Variants in ADAMTS20 observed in about 807,000 individuals in gnomAD.
ADAMTS20 encodes ADAM metallopeptidase with thrombospondin type 1 motif 20.
Under a neutral mutation model 260.1 loss-of-function variants are expected in ADAMTS20, and 225 were observed. That is an observed-to-expected ratio of 0.87 (90% CI 0.78 to 0.97). The LOEUF is 0.97. Ranked by LOEUF, ADAMTS20 falls within the 50% of genes least tolerant of loss-of-function variation. ADAMTS20 has a pLI of 0.00. For synonymous variants in ADAMTS20, 802 were observed against 769.5 expected, an observed-to-expected ratio of 1.04 and a Z score of -0.70; for missense variants, 2,400 against 2,337.7, an observed-to-expected ratio of 1.03 and a Z score of -0.55.
chr12:43,439,514 G>T, intron 18 of ADAMTS20, 108 bp downstream of exon 18: 2 of 1,294,890 alleles, frequency 1.5e-6, no homozygotes, highest in Non-Finnish European at 2.1e-6. Flanking sequence ...TGTGGGATAT[G>T]TGTATGGACA....
At chr12:43,440,184 C>T in intron 16 of ADAMTS20, 115 bp from the exon 17 acceptor site, 1 of 775,110 alleles carries the variant, frequency 1.3e-6, no homozygotes, top group Non-Finnish European at 2.0e-6. Flanking sequence ...TGCTGTATCT[C>T]CCAGGCTGGA....
chr12:43,400,117 C>T (rs993347098), intron 28 of ADAMTS20, among the ~76,000 whole-genome samples: 11 of 151,866 alleles, frequency 7.2e-5, no homozygotes, highest in Admixed American at 5.9e-4. Flanking sequence ...CTTGGTAGAT[C>T]CTCAGTAAAC....
At chr12:43,400,068 A>C (rs1940779555) in intron 28 of ADAMTS20, among the ~76,000 whole-genome samples, 1 of 152,068 alleles carries the variant, frequency 6.6e-6, no homozygotes, top group Admixed American at 6.6e-5. Flanking sequence ...GATTAACATA[A>C]GATAAAGAAT....
At chr12:43,406,190 A>T (rs114439079) in intron 28 of ADAMTS20, among the ~76,000 whole-genome samples, 3,485 of 152,226 alleles carry the variant, frequency 0.023, 57 homozygotes, top group African/African-American at 0.033. Flanking sequence ...AGATAATCAG[A>T]TGTTGGAGTG....
intron 9 of ADAMTS20, 66 bp from the exon 10 acceptor site, chr12:43,464,798 T>A (rs1942125488): frequency 1.3e-6 from 2 of 1,494,368 alleles, no homozygotes; most frequent in Admixed American, 4.7e-5. Context: ...TGATTCTTTA[T>A]CACATTTTTT....
At chr12:43,392,721 C>T (rs1407531503) in intron 29 of ADAMTS20, among the ~76,000 whole-genome samples, 1 of 152,044 alleles carries the variant, frequency 6.6e-6, no homozygotes, top group Non-Finnish European at 1.5e-5. Flanking sequence ...ACACATTTGG[C>T]ACCACTGATC....
chr12:43,492,556 T>C lies in ADAMTS20; in HGVS notation c.1025A>G (p.Asp342Gly), dbSNP rs762198152. Reference protein sequence around the residue: ...NFCSWQQTQNDLDDVHPSHHD... With the variant: ...NFCSWQQTQNGLDDVHPSHHD... ...GTGGGAAGGGTGAACATCATCAAGG[T>C]CATTCTGAGTTTGTTGCCATGAACA... The change falls in exon 6 of 39, where the codon GAC becomes GGC. Residue 342 changes from aspartate (D) to glycine (G), a missense_variant. By Grantham distance (94) the Asp-to-Gly change is moderately conservative. Transcript: ENST00000389420. 14 of 1,613,672 alleles carry C rather than the reference T, an allele frequency of 8.7e-6. No individual in the cohort carries two copies. In the African/African-American group the frequency reaches 1.9e-4, roughly 22 times the overall value.
At chr12:43,494,291 G>A (rs1264104298) in intron 4 of ADAMTS20, among the ~76,000 whole-genome samples, 1 of 152,116 alleles carries the variant, frequency 6.6e-6, no homozygotes, top group Non-Finnish European at 1.5e-5. Flanking sequence ...ATATAGATAA[G>A]AGGACAAAGG....
intron 35 of ADAMTS20, 52 bp downstream of exon 35, chr12:43,376,005 T>C: frequency 7.4e-7 from 1 of 1,357,120 alleles, no homozygotes; most frequent in South Asian, 1.3e-5. Flanking sequence ...GAAGTTCCAA[T>C]TCTCTTGGAG....
At chr12:43,424,178 T>TAG (rs1287105636) in intron 28 of ADAMTS20, among the ~76,000 whole-genome samples, 1 of 152,140 alleles carries the variant, frequency 6.6e-6, no homozygotes, top group Non-Finnish European at 1.5e-5. Context: ...TAATTACAAA[T>TAG]AGATTATAAA....
chr12:43,435,282 A>T (rs1012405929), intron 18 of ADAMTS20, among the ~76,000 whole-genome samples: 2 of 152,206 alleles, frequency 1.3e-5, no homozygotes, highest in Non-Finnish European at 2.9e-5. Context: ...GAGGGAAGAA[A>T]GATGAATATG....
intron 28 of ADAMTS20, chr12:43,423,834 T>C (rs1235199786): frequency 1.4e-5 from 10 of 712,228 alleles, no homozygotes; most frequent in Non-Finnish European, 2.3e-5. Context: ...ATTAAATACA[T>C]ATGTGAGTGC....
intron 28 of ADAMTS20, among the ~76,000 whole-genome samples, chr12:43,421,363 C>T (rs1435868151): frequency 6.7e-6 from 1 of 150,252 alleles, no homozygotes; most frequent in East Asian, 2.0e-4. Flanking sequence ...TATATATTCT[C>T]TTCCCTACTG....
chr12:43,485,157 G>GAAT (rs1194498420), intron 7 of ADAMTS20, among the ~76,000 whole-genome samples: 1 of 148,558 alleles, frequency 6.7e-6, no homozygotes, highest in African/African-American at 2.5e-5. Flanking sequence ...TATCCCTGAT[G>GAAT]AATATAGGTA....
intron 31 of ADAMTS20, among the ~76,000 whole-genome samples, chr12:43,379,585 C>A (rs929681114): frequency 1.3e-5 from 2 of 152,144 alleles, no homozygotes; most frequent in Non-Finnish European, 2.9e-5. Context: ...CACACAGTAC[C>A]TTGGCAAAGG....
intron 28 of ADAMTS20, among the ~76,000 whole-genome samples, chr12:43,412,981 T>G (rs931797846): frequency 2.6e-5 from 4 of 151,730 alleles, no homozygotes; most frequent in African/African-American, 9.7e-5. Context: ...CAGCTAACTT[T>G]TTGTATTTTA....
Position 43,432,306 on chromosome 12 carries a change from C to T in ADAMTS20, c.3094G>A (p.Glu1032Lys), listed in dbSNP as rs372666566. The T allele has an allele frequency of 1.4e-5, 22 of 1,613,388 alleles. No homozygotes were observed. The highest frequency in any genetic ancestry group is 6.7e-5 in the African/African-American group (5 of 74,880). ...CPSWAASEWS[E>K]CLVTCGKGTK... ...CAAGCATCATGTGTTTAATGTACCT[C>T]GCTCCATTCACTAGCAGCCCAACTG... The change falls in exon 21 of 39, where the codon GAG becomes AAG. Residue 1032 changes from glutamate to lysine, a missense_variant and splice_region_variant. Glu to Lys is a moderately conservative substitution (Grantham distance 56). Transcript: ENST00000389420.
At chr12:43,399,270 T>G (rs2137252218) in intron 28 of ADAMTS20, 37 bp from the exon 29 acceptor site, 2 of 1,402,168 alleles carry the variant, frequency 1.4e-6, no homozygotes, top group East Asian at 2.7e-5. Flanking sequence ...ATTCATTTTC[T>G]TCTTGATTAA....
intron 6 of ADAMTS20, among the ~76,000 whole-genome samples, chr12:43,491,199 C>A (rs114351937): frequency 0.015 from 2,281 of 152,072 alleles, 53 homozygotes; most frequent in African/African-American, 0.051. Flanking sequence ...AAATGTTTAC[C>A]ATTGTGTTAC....
Sources: allele counts gnomAD v4.1 joint callset (sites outside exome capture counted in the v4.1 genomes callset), GRCh38; gene constraint gnomAD v4.1.1; transcripts MANE v1.5; gene names NCBI Gene and HGNC (gene_info 2026-07-23, HGNC 2026-07-21).